MS4A10: variants seen among roughly 807,000 people sequenced by gnomAD.
The protein encoded by MS4A10 is membrane spanning 4-domains A10.
Under a neutral mutation model 27.7 loss-of-function variants are expected in MS4A10, and 27 were observed. The observed-to-expected ratio is 0.98, with a 90% CI of 0.72 to 1.35. The LOEUF is 1.35. MS4A10 is among the 40% of genes most tolerant of loss of function. The pLI, the probability that MS4A10 is intolerant of heterozygous loss-of-function variation, is 0.00. For missense variants in MS4A10, 338 were observed against 324.7 expected, an observed-to-expected ratio of 1.04 and a Z score of -0.32; for synonymous variants, 139 against 131.2, an observed-to-expected ratio of 1.06 and a Z score of -0.41.
chr11:60,792,643 T>C (rs1278866626), intron 4 of MS4A10, among the ~76,000 whole-genome samples: 1 of 152,194 alleles, frequency 6.6e-6, no homozygotes, highest in African/African-American at 2.4e-5. Flanking sequence ...TACTGTGTCT[T>C]AATCTTAATC....
Position 60,795,680 on chromosome 11 carries a change from T to C in MS4A10, c.603+15T>C. ...CATCTGCAAAGGTAAGACAAGGGCT[T>C]GTCTTCCCAGGAAGACAAAAAATGG... On this transcript the variant is annotated intron_variant, in intron 6 of 7. Transcript: ENST00000308287. The C allele has an allele frequency of 6.6e-7, 1 of 1,525,544 alleles. No homozygotes were observed. The highest frequency in any genetic ancestry group is 2.1e-5 in the Admixed American group (1 of 46,596). The allele number at this position is 1,525,544 out of a possible 1,614,324, so 94.5% of individuals were successfully genotyped here.
Position 60,794,116 on chromosome 11 carries a change from GC to G in MS4A10, c.492+15del, listed in dbSNP as rs1854482003. 1 of 1,613,780 alleles carries G rather than the reference GC, an allele frequency of 6.2e-7. No individual in the cohort carries two copies. ...CCCCAACTCCACGGTGAGTACCCAG[GC>G]CTGGAGGGCCCTCTGACTTCAGCGA... is the stretch of plus-strand genomic sequence containing the variant. On this transcript the variant is annotated intron_variant, in intron 5 of 7. Coordinates refer to ENST00000308287, the MANE Select transcript of MS4A10 (RefSeq NM_206893.4).
At position 60,794,083 on chromosome 11, in the gene MS4A10, A is replaced by C. The variant is rs1311060871; in HGVS notation, c.472A>C (p.Arg158=). The change falls in exon 5 of 8, where the codon AGA becomes CGA. Residue 158 remains arginine (R), a synonymous_variant. Transcript: ENST00000308287. ...LESPFESPIW[R]MYPNSTVHIQ... The stretch of plus-strand genomic sequence containing the variant: ...GAGCCCATTTGAGTCCCCGATCTGG[A>C]GAATGTACCCCAACTCCACGGTGAG... The C allele has an allele frequency of 1.2e-6, 2 of 1,614,010 alleles. No individual in the cohort carries two copies. Among genetic ancestry groups the C allele is most frequent in the Non-Finnish European group, 1.7e-6 (2 of 1,180,036 alleles).
chr11:60,794,218 G>C (rs985003421), intron 5 of MS4A10, 115 bp downstream of exon 5: 3 of 1,277,154 alleles, frequency 2.3e-6, no homozygotes, highest in African/African-American at 3.0e-5. Context: ...GGTGTGGGCT[G>C]CTGGGCCCTT....
intron 7 of MS4A10, among the ~76,000 whole-genome samples, chr11:60,798,826 G>C (rs930316762): frequency 2.6e-5 from 4 of 152,222 alleles, no homozygotes; most frequent in Admixed American, 2.0e-4. Context: ...GCAAACCCCT[G>C]GGCCTGCAGC....
At chr11:60,792,234 C>A in intron 3 of MS4A10, 31 bp from the exon 4 acceptor site, 1 of 1,596,448 alleles carries the variant, frequency 6.3e-7, no homozygotes, top group Non-Finnish European at 8.6e-7. Flanking sequence ...ACCCCAGCTT[C>A]TCTCCTTTGA....
chr11:60,794,294 A>G (rs887860851), intron 5 of MS4A10, among the ~76,000 whole-genome samples, 191 bp downstream of exon 5: 5 of 152,224 alleles, frequency 3.3e-5, no homozygotes, highest in African/African-American at 1.2e-4. Flanking sequence ...CTGACTGGTC[A>G]GCATCACTGA....
chr11:60,787,715 GA>G (rs1314774486), intron 1 of MS4A10, among the ~76,000 whole-genome samples: 1 of 151,820 alleles, frequency 6.6e-6, no homozygotes, highest in Non-Finnish European at 1.5e-5. Context: ...TAGACAATGA[GA>G]AAAAAAAGAT....
intron 4 of MS4A10, among the ~76,000 whole-genome samples, chr11:60,793,474 A>G (rs1312375509): frequency 6.6e-6 from 1 of 152,190 alleles, no homozygotes; most frequent in Non-Finnish European, 1.5e-5. Flanking sequence ...GACGATGAAT[A>G]CAGGCATTTC....
At position 60,800,182 on chromosome 11, in the gene MS4A10, G is replaced by C; in HGVS notation, c.*273G>C. 1 of 446,544 alleles carries C rather than the reference G, an allele frequency of 2.2e-6. No individual in the cohort carries two copies. The allele number at this position is 446,544 out of a possible 1,614,324, so 27.7% of individuals were successfully genotyped here. A position where few individuals can be genotyped will look rare whatever the true frequency, so the allele number is the denominator to read the frequency against. On this transcript the variant is annotated 3_prime_UTR_variant, in exon 8 of 8. Coordinates refer to ENST00000308287, the MANE Select transcript of MS4A10 (RefSeq NM_206893.4). ...TTTTGTTTTGTTGAGATGGAGTCTC[G>C]CTCTGTTGCCCAGCCCAGAGTACAG... is the stretch of plus-strand genomic sequence containing the variant.
rs1166398481 is a variant in MS4A10 at position 60,790,508 on chromosome 11, A to G, written c.173A>G (p.Lys58Arg). ...EKSQKKSSLL[K>R]ELGAFHITIA... is the part of the protein sequence containing the mutation. ...TCCCAGAAGAAGAGCAGCCTTCTTA[A>G]GGAGCTGGGGGTGAGCATCCACTTC... The change falls in exon 2 of 8, where the codon AAG becomes AGG. Residue 58 changes from lysine to arginine, a missense_variant. By Grantham distance (26) the Lys-to-Arg change is conservative. Coordinates refer to ENST00000308287, the MANE Select transcript of MS4A10 (RefSeq NM_206893.4). The G allele has an allele frequency of 6.2e-7, 1 of 1,614,140 alleles. No individual in the cohort carries two copies.
intron 1 of MS4A10, among the ~76,000 whole-genome samples, chr11:60,786,173 GCA>G (rs776986366): frequency 7.4e-4 from 104 of 139,946 alleles, no homozygotes; most frequent in Middle Eastern, 3.6e-3. Context: ...GCACACACAT[GCA>G]CACACACACA....
At position 60,801,294 on chromosome 11, in the gene MS4A10, G is replaced by C. The variant is rs1005875046; in HGVS notation, c.*1385G>C. On this transcript the variant is annotated 3_prime_UTR_variant, in exon 8 of 8. Transcript: ENST00000308287. The stretch of plus-strand genomic sequence containing the variant: ...TACATTGATGGTTTACATCAATAAA[G>C]GTTGAAACGGCTTCTGGTTCGACTT... 2 of 152,222 alleles carry C rather than the reference G, an allele frequency of 1.3e-5. No homozygotes were observed. Among genetic ancestry groups the C allele is most frequent in the African/African-American group, 2.4e-5 (1 of 41,452 alleles). 9.4% of individuals were successfully genotyped at this position (152,222 alleles called of 1,614,324 possible).
chr11:60,799,328 A>T (rs1300097996), intron 7 of MS4A10, among the ~76,000 whole-genome samples: 1 of 152,168 alleles, frequency 6.6e-6, no homozygotes, highest in East Asian at 1.9e-4. Flanking sequence ...TCCTAATTTC[A>T]GTCATCTGAG....
intron 7 of MS4A10, among the ~76,000 whole-genome samples, chr11:60,798,973 C>T (rs1034893860): frequency 6.6e-6 from 1 of 152,228 alleles, no homozygotes; most frequent in Non-Finnish European, 1.5e-5. Context: ...TTGCCTCAAC[C>T]TACTAAGACA....
chr11:60,795,389 G>A (rs545046280), intron 5 of MS4A10, among the ~76,000 whole-genome samples, 166 bp from the exon 6 acceptor site: 5 of 152,130 alleles, frequency 3.3e-5, no homozygotes, highest in East Asian at 1.9e-4. Context: ...CCAAGTCCCC[G>A]TCCCACAGAG....
intron 1 of MS4A10, among the ~76,000 whole-genome samples, 198 bp from the exon 2 acceptor site, chr11:60,790,116 G>A (rs780117619): frequency 6.6e-6 from 1 of 152,178 alleles, no homozygotes; most frequent in Non-Finnish European, 1.5e-5. Flanking sequence ...CAGAAAGGCT[G>A]TGAGCAGCAA....
chr11:60,799,995 T>C lies in MS4A10; in HGVS notation c.*86T>C, dbSNP rs1389725718. On this transcript the variant is annotated 3_prime_UTR_variant, in exon 8 of 8. Coordinates refer to ENST00000308287, the MANE Select transcript of MS4A10 (RefSeq NM_206893.4). ...TGCACTTTCACTGGGAAGATGAGATTTGCACATACAAAAGGCTAGAGCGAT... is the reference window on the plus strand; with the variant it reads ...TGCACTTTCACTGGGAAGATGAGATCTGCACATACAAAAGGCTAGAGCGAT... 6.2e-7 allele frequency: 1 copy of C among 1,605,752 alleles called. No individual in the cohort carries two copies. Among genetic ancestry groups the C allele is most frequent in the African/African-American group, 1.3e-5 (1 of 74,724 alleles).
chr11:60,788,025 G>T (rs1434622951), intron 1 of MS4A10, among the ~76,000 whole-genome samples: 2 of 151,012 alleles, frequency 1.3e-5, no homozygotes, highest in Non-Finnish European at 2.9e-5. Flanking sequence ...CTCAAAAATA[G>T]AAATAAATAA....
Sources: allele counts gnomAD v4.1 joint callset (sites outside exome capture counted in the v4.1 genomes callset), GRCh38; gene constraint gnomAD v4.1.1; transcripts MANE v1.5; gene names NCBI Gene and HGNC (gene_info 2026-07-23, HGNC 2026-07-21).